Variants in VCF1 observed in about 807,000 individuals in gnomAD.
The protein encoded by VCF1 is protein VCF1.
chr17:73,209,704 C>T, the VCF1 span: 1 of 1,547,464 alleles, frequency 6.5e-7, no homozygotes, highest in South Asian at 1.2e-5. Flanking sequence ...CCCGCTGGCC[C>T]TGTCCGGGCT....
the VCF1 span, among the ~76,000 whole-genome samples, chr17:73,215,032 T>C: frequency 8.5e-5 from 13 of 152,188 alleles, no homozygotes; most frequent in Admixed American, 6.5e-4. Context: ...AGAATAAAGC[T>C]GCGTGTGATC....
the VCF1 span, among the ~76,000 whole-genome samples, chr17:73,225,867 A>T: frequency 1.1e-4 from 12 of 110,688 alleles, no homozygotes; most frequent in South Asian, 5.8e-4. Context: ...ATAGGAAAAA[A>T]ATATATATAT....
chr17:73,225,899 A>ATATATATATATATATATTT, the VCF1 span, among the ~76,000 whole-genome samples: 1 of 114,862 alleles, frequency 8.7e-6, no homozygotes, highest in African/African-American at 3.8e-5. Flanking sequence ...ATATATATAT[A>ATATATATATATATATATTT]TTTTTTTTTT....
the VCF1 span, among the ~76,000 whole-genome samples, chr17:73,217,139 G>C: frequency 6.6e-6 from 1 of 152,080 alleles, no homozygotes; most frequent in Non-Finnish European, 1.5e-5. Context: ...AGACCAGCCT[G>C]GCCAACATGG....
chr17:73,231,396 C>T, the VCF1 span, among the ~76,000 whole-genome samples: 2 of 152,126 alleles, frequency 1.3e-5, no homozygotes, highest in African/African-American at 4.8e-5. Context: ...GCACAGAACC[C>T]CTAATTTAAG....
chr17:73,227,067 T>C, the VCF1 span: 2 of 948,224 alleles, frequency 2.1e-6, no homozygotes, highest in Non-Finnish European at 3.1e-6. Context: ...ACTAAGGTCA[T>C]TTTAAATTAC....
At chr17:73,217,661 T>C in the VCF1 span, among the ~76,000 whole-genome samples, 3 of 146,318 alleles carry the variant, frequency 2.1e-5, no homozygotes, top group South Asian at 4.3e-4. Flanking sequence ...AAATAAAAAA[T>C]AAAAAATAAA....
the VCF1 span, among the ~76,000 whole-genome samples, chr17:73,215,333 G>A: frequency 6.6e-6 from 1 of 152,190 alleles, no homozygotes; most frequent in African/African-American, 2.4e-5. Context: ...CACTCAGGCT[G>A]GAGCAGTGGC....
At chr17:73,232,313 G>T in the VCF1 span, 1 of 1,570,658 alleles carries the variant, frequency 6.4e-7, no homozygotes. Context: ...CCATGTCGCT[G>T]CCGCCGTGGT....
the VCF1 span, chr17:73,209,589 G>A: frequency 1.3e-6 from 2 of 1,584,566 alleles, no homozygotes; most frequent in South Asian, 1.2e-5. Context: ...TCAGGGTCTG[G>A]TTGATGTGGA....
chr17:73,213,544 T>A, the VCF1 span, among the ~76,000 whole-genome samples: 2 of 152,240 alleles, frequency 1.3e-5, no homozygotes, highest in Non-Finnish European at 2.9e-5. Context: ...CCAAAAACAA[T>A]CTGGAAGGAT....
the VCF1 span, among the ~76,000 whole-genome samples, chr17:73,211,184 A>G: frequency 6.6e-6 from 1 of 152,218 alleles, no homozygotes; most frequent in African/African-American, 2.4e-5. Context: ...GGCCAGGTGC[A>G]GTGCCTCACA....
At chr17:73,208,657 TTCAGG>T in the VCF1 span, 1 of 631,452 alleles carries the variant, frequency 1.6e-6, no homozygotes, top group East Asian at 2.8e-5. Flanking sequence ...TAGACATCAG[TTCAGG>T]TAGCTTACAT....
chr17:73,229,305 T>C, the VCF1 span: 3 of 985,346 alleles, frequency 3.0e-6, no homozygotes, highest in African/African-American at 1.7e-5. Context: ...CTTTCAACAA[T>C]GGTGTTAACA....
At chr17:73,227,028 G>T in the VCF1 span, 1 of 614,730 alleles carries the variant, frequency 1.6e-6, no homozygotes, top group Non-Finnish European at 2.6e-6. Context: ...CCCTGATTTG[G>T]AAACAGAAAG....
At chr17:73,222,516 G>A in the VCF1 span, among the ~76,000 whole-genome samples, 6 of 152,054 alleles carry the variant, frequency 3.9e-5, no homozygotes, top group South Asian at 6.2e-4. Context: ...GGTGGCTCAC[G>A]CCTATAATCC....
chr17:73,212,649 CA>C, the VCF1 span: 1 of 1,563,836 alleles, frequency 6.4e-7, no homozygotes, highest in South Asian at 1.2e-5. Flanking sequence ...ATTTAACAAA[CA>C]GGTCACTACA....
At chr17:73,231,245 T>C in the VCF1 span, among the ~76,000 whole-genome samples, 1 of 152,340 alleles carries the variant, frequency 6.6e-6, no homozygotes, top group East Asian at 1.9e-4. Flanking sequence ...GAAGGATCCT[T>C]GTGGAAAGAC....
chr17:73,226,699 C>T, the VCF1 span, among the ~76,000 whole-genome samples: 74,094 of 152,006 alleles, frequency 0.49, 18,363 homozygotes, highest in East Asian at 0.6. Flanking sequence ...GAGCTCTTTT[C>T]ACAACAAGAT....
Sources: allele counts gnomAD v4.1 joint callset (sites outside exome capture counted in the v4.1 genomes callset), GRCh38; gene constraint gnomAD v4.1.1; transcripts MANE v1.5; gene names NCBI Gene and HGNC (gene_info 2026-07-23, HGNC 2026-07-21).